The following OR7A10 variants were observed in gnomAD, a reference collection of about 807,000 sequenced individuals.
OR7A10 encodes the protein olfactory receptor 7A10.
For missense variants in OR7A10, 358 were observed against 370.1 expected, an observed-to-expected ratio of 0.97 and a Z score of 0.27; for synonymous variants, 144 against 144.5, an observed-to-expected ratio of 1.00 and a Z score of 0.02.
Position 14,843,910 on chromosome 19 carries a change from C to T in OR7A10, c.-12-2021G>A, listed in dbSNP as rs137981859. Among the ~76,000 whole-genome samples the T allele has an allele frequency of 1.7e-4, 26 of 152,034 alleles. No homozygotes were observed. The East Asian group carries it at 4.8e-3, about 28-fold the overall frequency. On this transcript the variant is annotated intron_variant, in intron 1 of 1. Transcript: ENST00000641129. ...GGGAACATCACACACTGGGGACTGT[C>T]GGGGGTACGGGATAAGGGGAGGGAG...
chr19:14,843,065 C>T (rs1299147722), intron 1 of OR7A10, among the ~76,000 whole-genome samples: 1 of 152,148 alleles, frequency 6.6e-6, no homozygotes, highest in African/African-American at 2.4e-5. Context: ...ATGCGGCCAA[C>T]AAGCATATTA....
intron 1 of OR7A10, among the ~76,000 whole-genome samples, chr19:14,842,728 G>A (rs769246722): frequency 6.6e-6 from 1 of 152,094 alleles, no homozygotes; most frequent in Non-Finnish European, 1.5e-5. Context: ...AATATTCCAT[G>A]GTATATATGT....
intron 1 of OR7A10, among the ~76,000 whole-genome samples, chr19:14,847,086 A>T (rs1037170091): frequency 3.3e-5 from 5 of 152,248 alleles, no homozygotes; most frequent in African/African-American, 1.2e-4. Context: ...AAAAGTACAT[A>T]TAAGAACATT....
intron 1 of OR7A10, among the ~76,000 whole-genome samples, chr19:14,842,642 T>C (rs558308712): frequency 1.4e-4 from 21 of 152,212 alleles, no homozygotes; most frequent in Non-Finnish European, 2.8e-4. Flanking sequence ...CTGCATTAGT[T>C]TGCTTAGAAT....
rs184431863 is a variant in OR7A10 at position 14,843,736 on chromosome 19, G to T, written c.-12-1847C>A. ...GGGAATATCAAGTGAATTTCGACAT[G>T]TTCCAGATGCTGTCTAGACAGTGAG... On this transcript the variant is annotated intron_variant, in intron 1 of 1. Coordinates refer to ENST00000641129, the MANE Select transcript of OR7A10 (RefSeq NM_001005190.2). Among the ~76,000 whole-genome samples the T allele has an allele frequency of 6.7e-4, 102 of 152,286 alleles. No homozygotes were observed. In the Middle Eastern group the frequency reaches 0.01, roughly 15 times the overall value.
rs2044914197 is a variant in OR7A10, at chr19:14,841,677, G to C, written c.201C>G (p.Ser67=). The C allele has an allele frequency of 3.7e-6, 6 of 1,614,156 alleles. No homozygotes were observed. Among genetic ancestry groups the C allele is most frequent in the Non-Finnish European group, 5.1e-6 (6 of 1,180,038 alleles). Residue 67 remains serine, a synonymous_variant, in exon 2 of 2, where the codon TCC becomes TCG. Transcript: ENST00000641129. ...TAGAGACAAAACAGATGTCTACGAAGGACAGGTTGGAGAGGAAGAAGTACA... is the reference window on the plus strand; with the variant it reads ...TAGAGACAAAACAGATGTCTACGAACGACAGGTTGGAGAGGAAGAAGTACA... ...TPMYFFLSNL[S]FVDICFVSTT...
chr19:14,847,193 G>A (rs541815565), intron 1 of OR7A10, among the ~76,000 whole-genome samples: 1 of 152,194 alleles, frequency 6.6e-6, no homozygotes, highest in South Asian at 2.1e-4. Flanking sequence ...TAAAAAACAC[G>A]AATAAAATCA....
In OR7A10 at chr19:14,841,663, C is replaced by T; in HGVS notation, c.215G>A (p.Cys72Tyr). The T allele has an allele frequency of 6.2e-7, 1 of 1,614,108 alleles. No individual in the cohort carries two copies. The highest frequency in any genetic ancestry group is 8.5e-7 in the Non-Finnish European group (1 of 1,180,028). The stretch of plus-strand genomic sequence containing the variant: ...CTTCGGGACAGTGGTAGAGACAAAA[C>T]AGATGTCTACGAAGGACAGGTTGGA... Reference protein sequence around the residue: ...FLSNLSFVDICFVSTTVPKML... With the variant: ...FLSNLSFVDIYFVSTTVPKML... The change falls in exon 2 of 2, where the codon TGT (cysteine) becomes TAT (tyrosine). Residue 72 changes from cysteine (C) to tyrosine (Y), a missense_variant. Transcript: ENST00000641129.
chr19:14,841,037 C>T lies in OR7A10; in HGVS notation c.841G>A (p.Val281Ile). The change falls in exon 2 of 2, where the codon GTC (valine) becomes ATC (isoleucine). Residue 281 changes from valine to isoleucine, a missense_variant. By Grantham distance (29) the Val-to-Ile change is conservative. Transcript: ENST00000641129. Reference sequence around the variant, plus strand: ...ATGAAGGGGTTCAGCATGGGGGTGACCACAGTGTACATCACTGAGGCTGCA... The same window carrying T: ...ATGAAGGGGTTCAGCATGGGGGTGATCACAGTGTACATCACTGAGGCTGCA... ...GAAASVMYTV[V>I]TPMLNPFIYS... The T allele has an allele frequency of 6.2e-7, 1 of 1,614,016 alleles. No individual in the cohort carries two copies.
At position 14,840,790 on chromosome 19, in the gene OR7A10, T is replaced by A; in HGVS notation, c.*158A>T. 1 of 582,402 alleles carries A rather than the reference T, an allele frequency of 1.7e-6. No homozygotes were observed. Among genetic ancestry groups the A allele is most frequent in the Non-Finnish European group, 3.0e-6 (1 of 329,080 alleles). 36.1% of individuals were successfully genotyped at this position (582,402 alleles called of 1,614,324 possible). The stretch of plus-strand genomic sequence containing the variant: ...ATCTCTGACTCTAAGAAGAACAGTG[T>A]AAGCTCTATAAAGTAGTTGAGGAAC... On this transcript the variant is annotated 3_prime_UTR_variant, in exon 2 of 2. Coordinates refer to ENST00000641129, the MANE Select transcript of OR7A10 (RefSeq NM_001005190.2).
rs189343464 is a variant in OR7A10, at chr19:14,846,079, G to A, written c.-13+2421C>T. 2.1e-3 allele frequency among the ~76,000 whole-genome samples: 318 copies of A among 152,026 alleles called. 1 individual carries two copies. Among genetic ancestry groups the A allele is most frequent in the Middle Eastern group, 0.014 (4 of 294 alleles). ...TGAGGCAGGAGAATCGCTTCAACCC[G>A]GGAGGCGGAGGTTGCAGTAAGCCGA... On this transcript the variant is annotated intron_variant, in intron 1 of 1. Transcript: ENST00000641129.
In OR7A10 at chr19:14,841,428, G is replaced by A; in HGVS notation, c.450C>T (p.Ile150=). 1 of 1,614,152 alleles carries A rather than the reference G, an allele frequency of 6.2e-7. No homozygotes were observed. Among genetic ancestry groups the A allele is most frequent in the Non-Finnish European group, 8.5e-7 (1 of 1,180,012 alleles). Residue 150 remains isoleucine, a synonymous_variant, in exon 2 of 2, where the codon ATC becomes ATT. Coordinates refer to ENST00000641129, the MANE Select transcript of OR7A10 (RefSeq NM_001005190.2). ...LCGLLVLASW[I]MSVLNSMLQS... Reference sequence around the variant, plus strand: ...GTAACATGGAATTCAGAACACTCATGATCCAGGATGCCAGAACCAGCAGTC... The same window carrying A: ...GTAACATGGAATTCAGAACACTCATAATCCAGGATGCCAGAACCAGCAGTC...
chr19:14,844,823 C>G (rs140451759), intron 1 of OR7A10, among the ~76,000 whole-genome samples: 1 of 151,278 alleles, frequency 6.6e-6, no homozygotes, highest in African/African-American at 2.4e-5. Flanking sequence ...CTACCACACC[C>G]GGCTAATTTT....
rs192275329 is a variant in OR7A10 at position 14,840,733 on chromosome 19, A to G, written c.*215T>C. Reference sequence around the variant, plus strand: ...ATATTCCATAGTTATTTCATGTATGATTGAAAATTATATTCCGTCATATTT... The same window carrying G: ...ATATTCCATAGTTATTTCATGTATGGTTGAAAATTATATTCCGTCATATTT... On this transcript the variant is annotated 3_prime_UTR_variant, in exon 2 of 2. Coordinates refer to ENST00000641129, the MANE Select transcript of OR7A10 (RefSeq NM_001005190.2). The G allele has an allele frequency of 2.3e-6, 1 of 442,334 alleles. No homozygotes were observed. The highest frequency in any genetic ancestry group is 3.6e-5 in the East Asian group (1 of 27,696). 27.4% of individuals were successfully genotyped at this position (442,334 alleles called of 1,614,324 possible).
At position 14,843,911 on chromosome 19, in the gene OR7A10, G is replaced by A. The variant is rs1055659876; in HGVS notation, c.-12-2022C>T. Among the ~76,000 whole-genome samples, 6 of 152,058 alleles carry A rather than the reference G, an allele frequency of 3.9e-5. No individual in the cohort carries two copies. The East Asian group carries it at 5.8e-4, about 15-fold the overall frequency. On this transcript the variant is annotated intron_variant, in intron 1 of 1. Coordinates refer to ENST00000641129, the MANE Select transcript of OR7A10 (RefSeq NM_001005190.2). ...GGAACATCACACACTGGGGACTGTC[G>A]GGGGTACGGGATAAGGGGAGGGAGA... is the stretch of plus-strand genomic sequence containing the variant.
At chr19:14,846,392 A>G (rs1373080003) in intron 1 of OR7A10, among the ~76,000 whole-genome samples, 1 of 152,208 alleles carries the variant, frequency 6.6e-6, no homozygotes, top group African/African-American at 2.4e-5. Context: ...TAGGTTAAGC[A>G]CAGTGGTTTC....
intron 1 of OR7A10, among the ~76,000 whole-genome samples, chr19:14,844,670 T>TG (rs201531126): frequency 1.5e-5 from 2 of 134,706 alleles, no homozygotes; most frequent in Middle Eastern, 3.5e-3. Flanking sequence ...CTGTGTTTTT[T>TG]TTTTTTTTTT....
intron 1 of OR7A10, among the ~76,000 whole-genome samples, chr19:14,842,376 G>A (rs772708655): frequency 4.6e-5 from 7 of 152,122 alleles, no homozygotes; most frequent in South Asian, 2.1e-4. Flanking sequence ...TCAACTTCCC[G>A]AGTAGCTGGG....
In OR7A10 at chr19:14,840,489, C is replaced by T. The variant is rs973313308; in HGVS notation, c.*459G>A. 9.0e-5 allele frequency: 14 copies of T among 155,594 alleles called. No homozygotes were observed. The highest frequency in any genetic ancestry group is 3.1e-4 in the Admixed American group (5 of 15,964). 9.6% of individuals were successfully genotyped at this position (155,594 alleles called of 1,614,324 possible). On this transcript the variant is annotated 3_prime_UTR_variant, in exon 2 of 2. Coordinates refer to ENST00000641129, the MANE Select transcript of OR7A10 (RefSeq NM_001005190.2). ...TACATATATTGTTCACTTGTCAACA[C>T]TTTGATGCTTATGACATTTTTAAGG...
Sources: allele counts gnomAD v4.1 joint callset (sites outside exome capture counted in the v4.1 genomes callset), GRCh38; gene constraint gnomAD v4.1.1; transcripts MANE v1.5; gene names NCBI Gene and HGNC (gene_info 2026-07-23, HGNC 2026-07-21).